Variants in SHC3 observed in about 807,000 individuals in gnomAD.
SHC3 encodes SHC adaptor protein 3, also known as SHC-transforming protein 3.
In SHC3, 15 loss-of-function variants were observed where a neutral mutation model predicts 60.4. The ratio of observed to expected loss-of-function variants is 0.25; its 90% CI spans 0.17 to 0.38. The LOEUF (loss-of-function observed/expected upper bound fraction) is 0.38. SHC3 is among the 10% of genes least tolerant of loss of function. The pLI is 1.00. For synonymous variants in SHC3, 294 were observed against 325.9 expected (o/e 0.90, Z 1.05); for missense variants, 677 against 786.1 (o/e 0.86, Z 1.66).
intron 1 of SHC3, among the ~76,000 whole-genome samples, chr9:89,142,418 AG>A (rs1459219868): frequency 1.3e-5 from 2 of 151,710 alleles, no homozygotes; most frequent in African/African-American, 4.8e-5. Context: ...AAAATTAGCC[AG>A]GTGTGGTGGT....
chr9:89,096,979 T>C (rs1825711947), intron 2 of SHC3, among the ~76,000 whole-genome samples: 1 of 152,098 alleles, frequency 6.6e-6, no homozygotes, highest in South Asian at 2.1e-4. Flanking sequence ...TTCAACTGCT[T>C]GGACCAGCCA....
At chr9:89,048,697 AG>A (rs1824812833) in intron 7 of SHC3, among the ~76,000 whole-genome samples, 1 of 152,266 alleles carries the variant, frequency 6.6e-6, no homozygotes, top group Non-Finnish European at 1.5e-5. Flanking sequence ...ATGGAGTCTT[AG>A]TGGCATCTGA....
rs752827412 is a variant in SHC3, at chr9:89,178,371, G to A, written c.90C>T (p.Gly30=). 15 of 1,587,430 alleles carry A rather than the reference G, an allele frequency of 9.4e-6. No individual in the cohort carries two copies. The highest frequency in any genetic ancestry group is 5.2e-5 in the Admixed American group (3 of 57,440). The change falls in exon 1 of 12, where the codon GGC becomes GGT. Residue 30 remains glycine, a synonymous_variant. Coordinates refer to ENST00000375835, the MANE Select transcript of SHC3 (RefSeq NM_016848.6). The surrounding 1 kb of genome is among the most constrained non-coding windows in gnomAD (Gnocchi z 6.9). The stretch of plus-strand genomic sequence containing the variant: ...CGCGCGCCGCCGAAACCTTGCCTCC[G>A]CCGCCGCTCACCGACAGGCTGTGGA... ...DLLHSLSVSG[G]GGKVSAARAT... is the part of the protein sequence containing the mutation.
chr9:89,076,230 A>G (rs1457721106), intron 3 of SHC3, among the ~76,000 whole-genome samples: 2 of 152,094 alleles, frequency 1.3e-5, no homozygotes, highest in African/African-American at 4.8e-5. Flanking sequence ...CTGGAGCCTT[A>G]CTTGGTTCCC....
chr9:89,079,484 T>A (rs936502439), intron 2 of SHC3, among the ~76,000 whole-genome samples: 1 of 152,162 alleles, frequency 6.6e-6, no homozygotes, highest in African/African-American at 2.4e-5. Context: ...AATCACTCCA[T>A]AAATATTCCT....
intron 10 of SHC3, among the ~76,000 whole-genome samples, chr9:89,039,213 CT>C (rs1038712504): frequency 6.6e-6 from 1 of 152,198 alleles, no homozygotes; most frequent in Non-Finnish European, 1.5e-5. Flanking sequence ...TGGTTCTTTC[CT>C]GAGCATAACT....
At chr9:89,154,913 T>C (rs960620969) in intron 1 of SHC3, among the ~76,000 whole-genome samples, 3 of 152,260 alleles carry the variant, frequency 2.0e-5, no homozygotes, top group Non-Finnish European at 4.4e-5. Flanking sequence ...ATTGGTATTA[T>C]GGCTAAAGCC....
chr9:89,037,506 A>G, intron 11 of SHC3: 1 of 716,390 alleles, frequency 1.4e-6, no homozygotes, highest in East Asian at 2.7e-5. Context: ...GGGATGGCCA[A>G]CATCAGTAGG....
chr9:89,057,335 T>A (rs1188689851), intron 6 of SHC3, among the ~76,000 whole-genome samples: 2 of 115,246 alleles, frequency 1.7e-5, no homozygotes, highest in African/African-American at 6.9e-5. Context: ...TTTTTTTTTT[T>A]AATCAGAGAA....
chr9:89,059,667 G>GA (rs1825038477), intron 6 of SHC3, among the ~76,000 whole-genome samples: 1 of 125,738 alleles, frequency 8.0e-6, no homozygotes, highest in African/African-American at 3.0e-5. Flanking sequence ...GGTGGAGGAC[G>GA]TGGTGGAGGA....
chr9:89,059,312 GGAGGACGTT>G (rs1393500503), intron 6 of SHC3, among the ~76,000 whole-genome samples: 6 of 32,306 alleles, frequency 1.9e-4, no homozygotes, highest in Non-Finnish European at 2.6e-4. Context: ...GGACGGTGGT[GGAGGACGTT>G]GTGGAGGATG....
chr9:89,031,614 C>T (rs144079837), intron 11 of SHC3, among the ~76,000 whole-genome samples: 3 of 152,230 alleles, frequency 2.0e-5, no homozygotes, highest in South Asian at 2.1e-4. Flanking sequence ...TATGGATATA[C>T]GACATTTTAC....
intron 5 of SHC3, among the ~76,000 whole-genome samples, chr9:89,067,495 T>C (rs1825202677): frequency 6.6e-6 from 1 of 152,234 alleles, no homozygotes; most frequent in African/African-American, 2.4e-5. Flanking sequence ...GATTTGCAGC[T>C]GGATTTCCAA....
At chr9:89,067,986 TTG>T (rs1825210745) in intron 5 of SHC3, among the ~76,000 whole-genome samples, 1 of 152,226 alleles carries the variant, frequency 6.6e-6, no homozygotes, top group Non-Finnish European at 1.5e-5. Context: ...TGGCTCAAAG[TTG>T]GGAAAGGAGG....
At chr9:89,027,308 A>G (rs1482716174) in intron 11 of SHC3, among the ~76,000 whole-genome samples, 2 of 150,358 alleles carry the variant, frequency 1.3e-5, no homozygotes, top group Admixed American at 6.6e-5. Flanking sequence ...GTAGACAACT[A>G]GTGATGGGTG....
chr9:89,021,195 T>C (rs1197008314), intron 11 of SHC3, among the ~76,000 whole-genome samples: 1 of 152,166 alleles, frequency 6.6e-6, no homozygotes, highest in Non-Finnish European at 1.5e-5. Flanking sequence ...TCACTGCCAA[T>C]TCTACCTTAA....
At chr9:89,126,962 C>T (rs1023130231) in intron 1 of SHC3, among the ~76,000 whole-genome samples, 2 of 152,138 alleles carry the variant, frequency 1.3e-5, no homozygotes, top group African/African-American at 4.8e-5. Context: ...TTAGTCTCTG[C>T]CATCCAGGGA....
intron 1 of SHC3, among the ~76,000 whole-genome samples, chr9:89,176,965 TG>T (rs1219106175): frequency 6.6e-6 from 1 of 152,258 alleles, no homozygotes; most frequent in Non-Finnish European, 1.5e-5. Context: ...ACAGACATCC[TG>T]GGGGTTTCTC....
At chr9:89,134,637 A>T (rs561944696) in intron 1 of SHC3, among the ~76,000 whole-genome samples, 15 of 151,918 alleles carry the variant, frequency 9.9e-5, no homozygotes, top group Non-Finnish European at 2.1e-4. Context: ...CTGTCCTAAG[A>T]CTCTTTGCCA....
Sources: gnomAD v4.1 joint callset for allele counts (sites outside exome capture counted in the v4.1 genomes callset) on GRCh38, gnomAD v4.1.1 for gene constraint, Gnocchi (gnomAD v3.1) non-coding constraint, MANE v1.5 for transcripts, NCBI Gene and HGNC (gene_info 2026-07-23, HGNC 2026-07-21) for gene names.